Variants in ACSBG2 observed in about 807,000 individuals in gnomAD.
ACSBG2 encodes acyl-CoA synthetase bubblegum family member 2, also known as long-chain-fatty-acid--CoA ligase ACSBG2.
In ACSBG2, 62 loss-of-function variants were observed where a neutral mutation model predicts 74.7. The observed-to-expected ratio is 0.83, with a 90% CI of 0.68 to 1.03. ACSBG2 has a LOEUF of 1.03. ACSBG2 is among the 50% of genes least tolerant of loss of function. The probability of loss-of-function intolerance (pLI) is 0.00; values close to 1 mark genes in which losing one functional copy is unlikely to be tolerated. For synonymous variants in ACSBG2, 309 were observed against 294.1 expected (o/e 1.05, Z -0.52); for missense variants, 730 against 817.6 (o/e 0.89, Z 1.31).
chr19:6,154,239 C>A (rs962565961), intron 4 of ACSBG2, among the ~76,000 whole-genome samples: 18 of 150,794 alleles, frequency 1.2e-4, no homozygotes, highest in African/African-American at 2.4e-4. Flanking sequence ...CTAAAAAAAA[C>A]CCCAAAAAAT....
At position 6,165,939 on chromosome 19, in the gene ACSBG2, C is replaced by T. The variant is rs1172081225; in HGVS notation, c.662C>T (p.Ala221Val). 3.1e-6 allele frequency: 5 copies of T among 1,613,626 alleles called. No individual in the cohort carries two copies. In the South Asian group the frequency reaches 3.3e-5, roughly 11 times the overall value. Residue 221 changes from alanine to valine, a missense_variant, in exon 7 of 15, where the codon GCG (alanine) becomes GTG (valine). Transcript: ENST00000588485. ...GAGCAGGTCATCGAGAGCCAGAAGG[C>T]GAATCAATGCGCAGTGCTCATCTAC... ...QLEQVIESQK[A>V]NQCAVLIYTS...
chr19:6,173,499 A>G (rs977860360), intron 7 of ACSBG2, among the ~76,000 whole-genome samples: 2 of 152,082 alleles, frequency 1.3e-5, no homozygotes, highest in Non-Finnish European at 2.9e-5. Context: ...TGACCAGGAT[A>G]TTGTCAAAGG....
rs2090218449 is a variant in ACSBG2 at position 6,180,583 on chromosome 19, A to G, written c.907-2168A>G. On this transcript the variant is annotated intron_variant, in intron 8 of 14. Transcript: ENST00000588485. This position sits in a 1 kb window ranked among gnomAD's most constrained non-coding sequence, Gnocchi z 4.3. Reference sequence around the variant, plus strand: ...TCCTTACCAACTCCTAATATTGTCAAAATGTTTACAACTTGTCAATCTGAA... The same window carrying G: ...TCCTTACCAACTCCTAATATTGTCAGAATGTTTACAACTTGTCAATCTGAA... Among the ~76,000 whole-genome samples the G allele has an allele frequency of 6.6e-6, 1 of 152,230 alleles. No homozygotes were observed. Among genetic ancestry groups the G allele is most frequent in the Non-Finnish European group, 1.5e-5 (1 of 68,048 alleles).
At chr19:6,172,739 T>C (rs1202119809) in intron 7 of ACSBG2, among the ~76,000 whole-genome samples, 7 of 152,192 alleles carry the variant, frequency 4.6e-5, no homozygotes, top group Non-Finnish European at 1.0e-4. Flanking sequence ...TGTTTGGTGG[T>C]GCAGTGCAGG....
At chr19:6,190,375 A>C in intron 13 of ACSBG2, 1 of 534,392 alleles carries the variant, frequency 1.9e-6, no homozygotes, top group Non-Finnish European at 3.4e-6. Context: ...TTCACCTTCC[A>C]GCTCACAGAA....
intron 8 of ACSBG2, among the ~76,000 whole-genome samples, chr19:6,178,899 T>A (rs1182765282): frequency 6.6e-6 from 1 of 152,158 alleles, no homozygotes; most frequent in Non-Finnish European, 1.5e-5. Context: ...TTCAGACTGA[T>A]CCCATAGGAA....
chr19:6,156,403 C>T, intron 4 of ACSBG2, 28 bp from the exon 5 acceptor site: 2 of 1,576,000 alleles, frequency 1.3e-6, no homozygotes, highest in Non-Finnish European at 1.7e-6. Flanking sequence ...TGTGTGGATG[C>T]ACACACGAAT....
intron 5 of ACSBG2, among the ~76,000 whole-genome samples, chr19:6,157,195 G>A (rs149957579): frequency 0.069 from 10,547 of 152,210 alleles, 1,171 homozygotes; most frequent in African/African-American, 0.23. Flanking sequence ...TGATCCGCCC[G>A]CCTTGGCCTC....
chr19:6,161,362 C>T, intron 6 of ACSBG2, 67 bp downstream of exon 6: 1 of 1,499,032 alleles, frequency 6.7e-7, no homozygotes. Context: ...TGGGCGTGGC[C>T]TAAGTGGAAG....
In ACSBG2 at chr19:6,177,336, C is replaced by T. The variant is rs756089553; in HGVS notation, c.846C>T (p.Asp282=). 144 of 1,612,280 alleles carry T rather than the reference C, an allele frequency of 8.9e-5. 5 individuals carry two copies. Among genetic ancestry groups the T allele is most frequent in the South Asian group, 1.3e-4 (12 of 90,842 alleles). ...PLSHIAAQMM[D]IWVPIKIGAL... Reference sequence around the variant, plus strand: ...GCCATATTGCAGCACAGATGATGGACATCTGGGTACCCATAAAGATTGGGG... The same window carrying T: ...GCCATATTGCAGCACAGATGATGGATATCTGGGTACCCATAAAGATTGGGG... Residue 282 remains aspartate (D), a synonymous_variant, in exon 8 of 15, where the codon GAC becomes GAT. Transcript: ENST00000588485.
Position 6,177,496 on chromosome 19 carries a change from C to T in ACSBG2, c.906+100C>T, listed in dbSNP as rs549367090. 74 of 1,291,000 alleles carry T rather than the reference C, an allele frequency of 5.7e-5. No individual in the cohort carries two copies. The South Asian group carries it at 1.1e-3, about 19-fold the overall frequency. 80.0% of individuals were successfully genotyped at this position (1,291,000 alleles called of 1,614,324 possible). A position where few individuals can be genotyped will look rare whatever the true frequency, so the allele number is the denominator to read the frequency against. ...ATTCGACAGATTTTTTGGGTGAAGC[C>T]CCATGTCTAACGGTTTTATCTCTGC... On this transcript the variant is annotated intron_variant, in intron 8 of 14. Transcript: ENST00000588485.
chr19:6,191,441 C>G (rs2090560232), intron 14 of ACSBG2: 1 of 152,204 alleles, frequency 6.6e-6, no homozygotes, highest in South Asian at 2.1e-4. Context: ...TATTGTCTCA[C>G]AGATCTGGAG....
chr19:6,150,972 G>C (rs1180538283), intron 3 of ACSBG2, among the ~76,000 whole-genome samples: 1 of 151,884 alleles, frequency 6.6e-6, no homozygotes, highest in Non-Finnish European at 1.5e-5. Flanking sequence ...AAATTAGCCA[G>C]GCGTGGTGGC....
intron 1 of ACSBG2, among the ~76,000 whole-genome samples, chr19:6,139,095 T>A (rs947867943): frequency 4.5e-5 from 6 of 132,552 alleles, no homozygotes; most frequent in African/African-American, 1.9e-4. Context: ...TAAACTTATT[T>A]TTTTTTTTTT....
intron 14 of ACSBG2, 109 bp from the exon 15 acceptor site, chr19:6,192,559 C>T (rs948278357): frequency 2.6e-5 from 4 of 152,172 alleles, no homozygotes; most frequent in Non-Finnish European, 5.9e-5. Context: ...ATAAATGGAT[C>T]GATTCACTCG....
intron 5 of ACSBG2, 124 bp downstream of exon 5, chr19:6,156,675 G>C: frequency 9.4e-7 from 1 of 1,061,896 alleles, no homozygotes; most frequent in Non-Finnish European, 1.3e-6. Flanking sequence ...TGTTCAGCGA[G>C]TCCTCCATGA....
At position 6,161,287 on chromosome 19, in the gene ACSBG2, T is replaced by C. The variant is rs1363248589; in HGVS notation, c.580T>C (p.Leu194=). 1 of 1,612,542 alleles carries C rather than the reference T, an allele frequency of 6.2e-7. No individual in the cohort carries two copies. The highest frequency in any genetic ancestry group is 2.2e-5 in the East Asian group (1 of 44,836). Residue 194 remains leucine, a synonymous_variant, in exon 6 of 15, where the codon TTG becomes CTG. Coordinates refer to ENST00000588485, the MANE Select transcript of ACSBG2 (RefSeq NM_030924.5). ...YRLPMKKNNN[L]YSWDDFMELG... is the part of the protein sequence containing the mutation. ...ACTGCCAATGAAGAAGAACAACAAC[T>C]TGTACTCTGTAAGTGTGGGAGGTGG...
intron 13 of ACSBG2, chr19:6,190,101 G>A (rs958473605): frequency 1.2e-5 from 2 of 164,468 alleles, no homozygotes; most frequent in African/African-American, 2.4e-5. Context: ...AGTCCTTGTG[G>A]GGTTGCTTGA....
In ACSBG2 at chr19:6,183,038, G is replaced by A. The variant is rs768569446; in HGVS notation, c.1089-1G>A. On this transcript the variant is annotated splice_acceptor_variant, in intron 9 of 14. Transcript: ENST00000588485. LOFTEE classifies it high-confidence loss of function. The stretch of plus-strand genomic sequence containing the variant: ...CCACTTGACGGCATTCTTATTCACA[G>A]GAAATATAATACTCCCGTGAGCTAC... The A allele has an allele frequency of 5.0e-6, 8 of 1,613,968 alleles. No homozygotes were observed. The highest frequency in any genetic ancestry group is 1.3e-5 in the African/African-American group (1 of 74,910).
Sources: allele counts gnomAD v4.1 joint callset (sites outside exome capture counted in the v4.1 genomes callset), GRCh38; gene constraint gnomAD v4.1.1; non-coding constraint Gnocchi (gnomAD v3.1); transcripts MANE v1.5; gene names NCBI Gene and HGNC (gene_info 2026-07-23, HGNC 2026-07-21).